TENT4B: variants seen among roughly 807,000 people sequenced by gnomAD.
TENT4B encodes the protein terminal nucleotidyltransferase 4B, also known as PAP associated domain containing 5.
Under a neutral mutation model 75.0 loss-of-function variants are expected in TENT4B, and 10 were observed. That is an observed-to-expected ratio of 0.13 (90% CI 0.08 to 0.23). TENT4B has a LOEUF of 0.23. TENT4B is among the 10% of genes least tolerant of loss of function. The pLI is 1.00. For missense variants in TENT4B, 579 were observed against 893.8 expected (o/e 0.65, Z 4.49); for synonymous variants, 350 against 357.7 (o/e 0.98, Z 0.24).
chr16:50,199,526 A>C (rs986531990), intron 1 of TENT4B, among the ~76,000 whole-genome samples: 1 of 152,200 alleles, frequency 6.6e-6, no homozygotes, highest in Non-Finnish European at 1.5e-5. Flanking sequence ...TCACCTATTA[A>C]TTTATCCCTC....
In TENT4B at chr16:50,161,996, A is replaced by T. The variant is rs191842789; in HGVS notation, c.638+7737A>T. ...GCACGCACCCTTCCAGCAACCACTA[A>T]TCTGTTTGCATCTCTGTAATTTTGC... On this transcript the variant is annotated intron_variant, in intron 1 of 11. Coordinates refer to ENST00000561678, the MANE Select transcript of TENT4B (RefSeq NM_001365324.3). 2.7e-4 allele frequency among the ~76,000 whole-genome samples: 41 copies of T among 152,228 alleles called. No homozygotes were observed. The East Asian group carries it at 7.5e-3, about 28-fold the overall frequency.
chr16:50,202,776 G>C (rs1271897313), intron 1 of TENT4B, among the ~76,000 whole-genome samples: 1 of 152,150 alleles, frequency 6.6e-6, no homozygotes, highest in Non-Finnish European at 1.5e-5. Context: ...ATAATCAATT[G>C]AAAGTAGTAG....
chr16:50,216,139 C>T lies in TENT4B; in HGVS notation c.874C>T (p.Leu292Phe). 6.2e-7 allele frequency: 1 copy of T among 1,613,974 alleles called. No individual in the cohort carries two copies. The highest frequency in any genetic ancestry group is 8.5e-7 in the Non-Finnish European group (1 of 1,179,872). The change falls in exon 4 of 12, where the codon CTT (leucine) becomes TTT (phenylalanine). Residue 292 changes from leucine (L) to phenylalanine (F), a missense_variant. By Grantham distance (22) the Leu-to-Phe change is conservative. Coordinates refer to ENST00000561678, the MANE Select transcript of TENT4B (RefSeq NM_001365324.3). ...NLPLWTLEEA[L>F]RKHKVADEDS... ...ACCCCTCTGGACTCTGGAAGAAGCT[C>T]TTCGGAAACACAAAGTCGCAGATGA...
Position 50,165,141 on chromosome 16 carries a change from T to C in TENT4B, c.638+10882T>C, listed in dbSNP as rs183047784. On this transcript the variant is annotated intron_variant, in intron 1 of 11. Transcript: ENST00000561678. ...ACCATTTTTAATATCTCATTGCCTT[T>C]AGAATGACCTTGTATTCATAGTACA... Among the ~76,000 whole-genome samples the C allele has an allele frequency of 1.1e-3, 162 of 152,286 alleles. 2 individuals are homozygous for C. Among genetic ancestry groups the C allele is most frequent in the African/African-American group, 3.8e-3 (159 of 41,558 alleles).
rs920609357 is a variant in TENT4B, at chr16:50,233,206, A to G, written c.*3878A>G. The G allele has an allele frequency of 4.1e-6, 4 of 985,050 alleles. No homozygotes were observed. The highest frequency in any genetic ancestry group is 1.2e-6 in the Non-Finnish European group (1 of 829,656). The allele number at this position is 985,050 out of a possible 1,614,324, so 61.0% of individuals were successfully genotyped here. Reference sequence around the variant, plus strand: ...AAAATATTTAGAGAATGATGTTAACATTCCAGCATTAAAGTGGGAACAAAG... The same window carrying G: ...AAAATATTTAGAGAATGATGTTAACGTTCCAGCATTAAAGTGGGAACAAAG... On this transcript the variant is annotated 3_prime_UTR_variant, in exon 12 of 12. Transcript: ENST00000561678.
Position 50,230,705 on chromosome 16 carries a change from T to C in TENT4B, c.*1377T>C. 2.0e-6 allele frequency: 2 copies of C among 985,754 alleles called. No individual in the cohort carries two copies. Among genetic ancestry groups the C allele is most frequent in the Non-Finnish European group, 2.4e-6 (2 of 829,834 alleles). 61.1% of individuals were successfully genotyped at this position (985,754 alleles called of 1,614,324 possible). A position where few individuals can be genotyped will look rare whatever the true frequency, so the allele number is the denominator to read the frequency against. ...ACATTGGCTTGTTTCAATCATACTG[T>C]AAATTTTGGTTGTAGTCAGCTTTGA... On this transcript the variant is annotated 3_prime_UTR_variant, in exon 12 of 12. Coordinates refer to ENST00000561678, the MANE Select transcript of TENT4B (RefSeq NM_001365324.3).
chr16:50,229,926 T>A lies in TENT4B; in HGVS notation c.*598T>A, dbSNP rs764264649. The A allele has an allele frequency of 2.1e-6, 2 of 930,726 alleles. No homozygotes were observed. The highest frequency in any genetic ancestry group is 2.6e-6 in the Non-Finnish European group (2 of 780,256). 57.7% of individuals were successfully genotyped at this position (930,726 alleles called of 1,614,324 possible). A position where few individuals can be genotyped will look rare whatever the true frequency, so the allele number is the denominator to read the frequency against. On this transcript the variant is annotated 3_prime_UTR_variant, in exon 12 of 12. Coordinates refer to ENST00000561678, the MANE Select transcript of TENT4B (RefSeq NM_001365324.3). Reference sequence around the variant, plus strand: ...TACTGTTTAAATTGTAAACAGATTTTTTCTCAGGATTAGTTTGAAAAATAA... The same window carrying A: ...TACTGTTTAAATTGTAAACAGATTTATTCTCAGGATTAGTTTGAAAAATAA...
chr16:50,220,688 T>C (rs1368372978), intron 5 of TENT4B, among the ~76,000 whole-genome samples: 1 of 151,960 alleles, frequency 6.6e-6, no homozygotes, highest in Non-Finnish European at 1.5e-5. Flanking sequence ...GCCACCACGC[T>C]GGGCTAATTT....
At chr16:50,208,014 G>GT (rs2031077762) in intron 1 of TENT4B, among the ~76,000 whole-genome samples, 2 of 152,182 alleles carry the variant, frequency 1.3e-5, no homozygotes, top group South Asian at 4.1e-4. Context: ...GTTGTTCTCT[G>GT]AGTATTTCAC....
At position 50,232,961 on chromosome 16, in the gene TENT4B, A is replaced by G; in HGVS notation, c.*3633A>G. 1 of 985,026 alleles carries G rather than the reference A, an allele frequency of 1.0e-6. No individual in the cohort carries two copies. The allele number at this position is 985,026 out of a possible 1,614,324, so 61.0% of individuals were successfully genotyped here. ...CATTCCCAATTTTGCTGTGATAAATATTGAAATGTTAAAATTAATGAACAG... is the reference window on the plus strand; with the variant it reads ...CATTCCCAATTTTGCTGTGATAAATGTTGAAATGTTAAAATTAATGAACAG... On this transcript the variant is annotated 3_prime_UTR_variant, in exon 12 of 12. Transcript: ENST00000561678.
intron 2 of TENT4B, among the ~76,000 whole-genome samples, chr16:50,213,205 C>T (rs1183776121): frequency 2.6e-5 from 4 of 152,092 alleles, no homozygotes; most frequent in Non-Finnish European, 4.4e-5. Flanking sequence ...GGTTCAGGCG[C>T]CCGTCACCAC....
At chr16:50,159,405 T>C (rs2037962608) in intron 1 of TENT4B, among the ~76,000 whole-genome samples, 2 of 151,954 alleles carry the variant, frequency 1.3e-5, no homozygotes, top group South Asian at 4.2e-4. Flanking sequence ...CCACCATGCC[T>C]AATTTTGTAT....
Position 50,229,771 on chromosome 16 carries a change from A to T in TENT4B, c.*443A>T. ...AGTCCAGATTCCAAAGGGGAAAGTGATCTGTGCATGTTTTTTTTTTAAATA... is the reference window on the plus strand; with the variant it reads ...AGTCCAGATTCCAAAGGGGAAAGTGTTCTGTGCATGTTTTTTTTTTAAATA... On this transcript the variant is annotated 3_prime_UTR_variant, in exon 12 of 12. Transcript: ENST00000561678. The T allele has an allele frequency of 1.0e-6, 1 of 981,928 alleles. No homozygotes were observed. Among genetic ancestry groups the T allele is most frequent in the South Asian group, 4.7e-5 (1 of 21,218 alleles). 60.8% of individuals were successfully genotyped at this position (981,928 alleles called of 1,614,324 possible).
intron 1 of TENT4B, among the ~76,000 whole-genome samples, chr16:50,171,278 G>A (rs1272046253): frequency 3.9e-5 from 6 of 152,138 alleles, no homozygotes; most frequent in Non-Finnish European, 7.4e-5. Flanking sequence ...GCATGCACCT[G>A]TAGTCCCGGT....
chr16:50,211,194 G>T, intron 1 of TENT4B, 129 bp from the exon 2 acceptor site: 1 of 973,528 alleles, frequency 1.0e-6, no homozygotes, highest in Non-Finnish European at 1.4e-6. Context: ...AGCTTATCTT[G>T]AGTTATAACA....
At chr16:50,183,420 T>G (rs944738767) in intron 1 of TENT4B, among the ~76,000 whole-genome samples, 4 of 151,994 alleles carry the variant, frequency 2.6e-5, no homozygotes, top group African/African-American at 4.8e-5. Context: ...GTGTGTGTGT[T>G]TTGAGATGTA....
In TENT4B at chr16:50,217,573, A is replaced by G; in HGVS notation, c.948A>G (p.Leu316=). ...LDKATVPIIK[L]TDSFTEVKVD... is the part of the protein sequence containing the mutation. Reference sequence around the variant, plus strand: ...CTTTATAGGTACCTATTATTAAATTAACAGATTCTTTTACTGAAGTGAAAG... The same window carrying G: ...CTTTATAGGTACCTATTATTAAATTGACAGATTCTTTTACTGAAGTGAAAG... The change falls in exon 5 of 12, where the codon TTA becomes TTG. Residue 316 remains leucine (L), a synonymous_variant. Coordinates refer to ENST00000561678, the MANE Select transcript of TENT4B (RefSeq NM_001365324.3). 1.3e-6 allele frequency: 2 copies of G among 1,507,498 alleles called. No homozygotes were observed. The highest frequency in any genetic ancestry group is 1.3e-5 in the South Asian group (1 of 78,052). The allele number at this position is 1,507,498 out of a possible 1,614,324, so 93.4% of individuals were successfully genotyped here.
chr16:50,174,742 C>CTTTTTTT (rs35242106), intron 1 of TENT4B, among the ~76,000 whole-genome samples: 1 of 75,816 alleles, frequency 1.3e-5, no homozygotes, highest in Non-Finnish European at 2.7e-5. Flanking sequence ...CTCCCCTACT[C>CTTTTTTT]TTTTTTTTTT....
chr16:50,158,866 G>GT (rs1318570051), intron 1 of TENT4B, among the ~76,000 whole-genome samples: 1 of 152,182 alleles, frequency 6.6e-6, no homozygotes, highest in Non-Finnish European at 1.5e-5. Flanking sequence ...GTATTACAGG[G>GT]TAAGGATGGA....
Sources: gnomAD v4.1 joint callset for allele counts (sites outside exome capture counted in the v4.1 genomes callset) on GRCh38, gnomAD v4.1.1 for gene constraint, MANE v1.5 for transcripts, NCBI Gene and HGNC (gene_info 2026-07-23, HGNC 2026-07-21) for gene names.